The following ANGPTL6 variants were observed in gnomAD, a reference collection of about 807,000 sequenced individuals.
The protein encoded by ANGPTL6 is angiopoietin like 6.
A neutral mutation model predicts 47.4 loss-of-function variants in ANGPTL6; 45 were observed. That is an observed-to-expected ratio of 0.95 (90% CI 0.75 to 1.22). The LOEUF is 1.22. Among genes scored for constraint, ANGPTL6 ranks in the 50% most tolerant of loss-of-function variants. The pLI is 0.00. For synonymous variants in ANGPTL6, 290 were observed against 295.9 expected (o/e 0.98, Z 0.20); for missense variants, 698 against 669.4 (o/e 1.04, Z -0.47).
At chr19:10,102,398 C>T (rs183346123) in intron 1 of ANGPTL6, among the ~76,000 whole-genome samples, 170 bp downstream of exon 1, 9 of 151,498 alleles carry the variant, frequency 5.9e-5, no homozygotes, top group African/African-American at 2.2e-4. Context: ...CCCCACCCCC[C>T]ACAACAGAGA....
chr19:10,105,507 C>T (rs1328693034), upstream of ANGPTL6, among the ~76,000 whole-genome samples: 2 of 151,030 alleles, frequency 1.3e-5, no homozygotes, highest in Non-Finnish European at 2.9e-5. Flanking sequence ...GGGCCAGACA[C>T]AGAGAAAGGA....
intron 1 of ANGPTL6, among the ~76,000 whole-genome samples, chr19:10,101,540 G>A (rs1351212078): frequency 6.7e-6 from 1 of 149,706 alleles, no homozygotes; most frequent in Non-Finnish European, 1.5e-5. Context: ...AGGCACGGTG[G>A]CTCACGCCTG....
intron 1 of ANGPTL6, 129 bp from the exon 2 acceptor site, chr19:10,096,702 T>G (rs2145175265): frequency 1.6e-4 from 106 of 655,398 alleles, no homozygotes; most frequent in Non-Finnish European, 2.0e-4. Context: ...CCCCATCTCA[T>G]TCCCCCCACG....
chr19:10,101,559 G>A (rs2088678392), intron 1 of ANGPTL6, among the ~76,000 whole-genome samples: 1 of 152,040 alleles, frequency 6.6e-6, no homozygotes, highest in Non-Finnish European at 1.5e-5. Context: ...TGTAATCCCA[G>A]CACTTTGGGA....
chr19:10,104,661 G>C (rs1339167540), upstream of ANGPTL6, among the ~76,000 whole-genome samples: 1 of 151,946 alleles, frequency 6.6e-6, no homozygotes, highest in Non-Finnish European at 1.5e-5. Context: ...ATATCTCATT[G>C]ATTAAAAAAA....
At chr19:10,095,538 A>G (rs2145171092) in intron 2 of ANGPTL6, among the ~76,000 whole-genome samples, 1 of 152,310 alleles carries the variant, frequency 6.6e-6, no homozygotes, top group East Asian at 1.9e-4. Context: ...AACACATCCA[A>G]CAGTATCTAA....
At chr19:10,104,540 T>C (rs558210716), upstream of ANGPTL6, among the ~76,000 whole-genome samples, 2 of 152,276 alleles carry the variant, frequency 1.3e-5, no homozygotes, top group East Asian at 3.9e-4. Context: ...AATCAGAGCT[T>C]TAACATGTTA....
intron 1 of ANGPTL6, among the ~76,000 whole-genome samples, chr19:10,100,434 C>A (rs1022789488): frequency 4.6e-5 from 7 of 152,088 alleles, no homozygotes; most frequent in Admixed American, 6.6e-5. Context: ...GGGGGTCTCA[C>A]TGTGTTGCCC....
intron 1 of ANGPTL6, among the ~76,000 whole-genome samples, chr19:10,101,678 C>T (rs1248680355): frequency 2.6e-5 from 4 of 151,298 alleles, no homozygotes; most frequent in Admixed American, 6.6e-5. Context: ...CATGGTAATG[C>T]ATGCCTGTAA....
intron 1 of ANGPTL6, among the ~76,000 whole-genome samples, chr19:10,100,639 C>T (rs969085563): frequency 4.6e-5 from 7 of 152,216 alleles, no homozygotes; most frequent in African/African-American, 1.7e-4. Context: ...ACCTTGAGTG[C>T]CTATTGTGTG....
chr19:10,096,217 T>G lies in ANGPTL6; in HGVS notation c.347A>C (p.His116Pro). Residue 116 changes from histidine (H) to proline (P), a missense_variant, in exon 2 of 6, where the codon CAC becomes CCC. Coordinates refer to ENST00000253109, the MANE Select transcript of ANGPTL6 (RefSeq NM_031917.3). ...RLGQLRAQLQ[H>P]EAGPGAGPGA... ...CGGGCCCGCCCCGGGCCCCGCCTCG[T>G]GCTGCAGCTGCGCGCGCAACTGGCC... The G allele has an allele frequency of 1.7e-6, 2 of 1,200,110 alleles. No homozygotes were observed. The highest frequency in any genetic ancestry group is 2.1e-6 in the Non-Finnish European group (2 of 968,332). The allele number at this position is 1,200,110 out of a possible 1,614,324, so 74.3% of individuals were successfully genotyped here.
At position 10,096,121 on chromosome 19, in the gene ANGPTL6, G is replaced by C; in HGVS notation, c.443C>G (p.Ala148Gly). 6.9e-7 allele frequency: 1 copy of C among 1,459,534 alleles called. No individual in the cohort carries two copies. The highest frequency in any genetic ancestry group is 9.0e-7 in the Non-Finnish European group (1 of 1,107,116). 90.4% of individuals were successfully genotyped at this position (1,459,534 alleles called of 1,614,324 possible). ...LLGERVLNAS[A>G]EAQRAAARFH... ...CCGGGCGGCTGCGCGCTGAGCCTCG[G>C]CGGACGCGTTGAGCACGCGCTCCCC... Residue 148 changes from alanine to glycine, a missense_variant, in exon 2 of 6, where the codon GCC becomes GGC. Transcript: ENST00000253109.
At chr19:10,099,952 C>A (rs1247502676) in intron 1 of ANGPTL6, among the ~76,000 whole-genome samples, 2 of 149,950 alleles carry the variant, frequency 1.3e-5, no homozygotes, top group African/African-American at 2.4e-5. Flanking sequence ...CTCCACCTCC[C>A]GGGTTCAAGT....
chr19:10,102,832 C>T (rs946179243), upstream of ANGPTL6: 24 of 934,616 alleles, frequency 2.6e-5, no homozygotes, highest in African/African-American at 3.7e-4. Context: ...CCTGCCCAGG[C>T]CACCAGAGCC....
chr19:10,092,998 A>G (rs1443703135), intron 5 of ANGPTL6: 1 of 499,496 alleles, frequency 2.0e-6, no homozygotes, highest in Non-Finnish European at 3.5e-6. Context: ...TTACCAAAGT[A>G]CAAGTCACAT....
In ANGPTL6 at chr19:10,102,619, G is replaced by C. The variant is rs2088710435; in HGVS notation, c.-62C>G. 1.0e-6 allele frequency: 1 copy of C among 984,540 alleles called. No individual in the cohort carries two copies. The highest frequency in any genetic ancestry group is 4.7e-5 in the South Asian group (1 of 21,288). 61.0% of individuals were successfully genotyped at this position (984,540 alleles called of 1,614,324 possible). A position where few individuals can be genotyped will look rare whatever the true frequency, so the allele number is the denominator to read the frequency against. On this transcript the variant is annotated 5_prime_UTR_variant, in exon 1 of 6. Transcript: ENST00000253109. ...GCGAAGCTCACAGAACACACAAGAA[G>C]TCCAAGGAAGAGCCGAGGGTCCAGT...
At chr19:10,102,428 TG>T in intron 1 of ANGPTL6, 139 bp downstream of exon 1, 1 of 373,254 alleles carries the variant, frequency 2.7e-6, no homozygotes, top group South Asian at 1.1e-4. Context: ...CCCCCAGAAC[TG>T]GGACGTGTGT....
chr19:10,096,092 G>A lies in ANGPTL6; in HGVS notation c.472C>T (p.His158Tyr), dbSNP rs773381219. ...AEAQRAAARF[H>Y]QLDVKFRELA... ...TCGCGGAACTTGACGTCCAGCTGGTGGAACCGGGCGGCTGCGCGCTGAGCC... is the reference window on the plus strand; with the variant it reads ...TCGCGGAACTTGACGTCCAGCTGGTAGAACCGGGCGGCTGCGCGCTGAGCC... The change falls in exon 2 of 6, where the codon CAC becomes TAC. Residue 158 changes from histidine (H) to tyrosine (Y), a missense_variant. Transcript: ENST00000253109. 21 of 1,492,944 alleles carry A rather than the reference G, an allele frequency of 1.4e-5. No homozygotes were observed. The highest frequency in any genetic ancestry group is 1.3e-4 in the South Asian group (10 of 79,876). The allele number at this position is 1,492,944 out of a possible 1,614,324, so 92.5% of individuals were successfully genotyped here. A position where few individuals can be genotyped will look rare whatever the true frequency, so the allele number is the denominator to read the frequency against.
rs140761396 is a variant in ANGPTL6, at chr19:10,093,818, G to A, written c.826C>T (p.Leu276=). 202 of 1,613,624 alleles carry A rather than the reference G, an allele frequency of 1.3e-4. 1 individual carries two copies. The highest frequency in any genetic ancestry group is 6.8e-4 in the African/African-American group (51 of 75,060). The change falls in exon 4 of 6, where the codon CTG becomes TTG. Residue 276 remains leucine, a synonymous_variant. Transcript: ENST00000253109. ...GACACTACGTGACGGCCCACTCGCA[G>A]TTCATACACTCCACTCTGTTCATGG... ...AGHEQSGVYE[L]RVGRHVVSVW...
Sources: gnomAD v4.1 joint callset for allele counts (sites outside exome capture counted in the v4.1 genomes callset) on GRCh38, gnomAD v4.1.1 for gene constraint, MANE v1.5 for transcripts, NCBI Gene and HGNC (gene_info 2026-07-23, HGNC 2026-07-21) for gene names.